The following SRGAP3 variants were observed in gnomAD, a reference collection of about 807,000 sequenced individuals.
The protein encoded by SRGAP3 is SLIT-ROBO Rho GTPase-activating protein 3.
SRGAP3 carries 39 observed loss-of-function variants against 121.1 expected under a neutral mutation model. The observed-to-expected ratio is 0.32, with a 90% CI of 0.25 to 0.42. The LOEUF is 0.42. Among genes scored for constraint, SRGAP3 ranks in the 10% least tolerant of loss-of-function variants. The probability of loss-of-function intolerance (pLI) is 1.00; values close to 1 mark genes in which losing one functional copy is unlikely to be tolerated. For synonymous variants in SRGAP3, 601 were observed against 570.0 expected, an observed-to-expected ratio of 1.05 and a Z score of -0.77; for missense variants, 1,213 against 1,470.6, an observed-to-expected ratio of 0.82 and a Z score of 2.86.
chr3:9,064,585 G>A lies in SRGAP3; in HGVS notation c.487-4C>T. ...ACATGTGGTAGGTTTTCATGACCTG[G>A]GGGTGCACAAGTAGGGGAAATCAGC... On this transcript the variant is annotated splice_region_variant and splice_polypyrimidine_tract_variant and intron_variant, in intron 4 of 21. Coordinates refer to ENST00000383836, the MANE Select transcript of SRGAP3 (RefSeq NM_014850.4). 6.2e-7 allele frequency: 1 copy of A among 1,613,880 alleles called. No homozygotes were observed. The highest frequency in any genetic ancestry group is 1.3e-5 in the African/African-American group (1 of 74,976).
At chr3:9,124,996 GC>G (rs1949168351) in intron 1 of SRGAP3, 79 bp from the exon 2 acceptor site, 5 of 1,554,962 alleles carry the variant, frequency 3.2e-6, no homozygotes, top group Non-Finnish European at 4.4e-6. Context: ...GCTGGCCTGG[GC>G]CCTGCAATTC....
In SRGAP3 at chr3:9,160,194, G is replaced by A. The variant is rs1950559905; in HGVS notation, c.68-35277C>T. Among the ~76,000 whole-genome samples, 3 of 152,100 alleles carry A rather than the reference G, an allele frequency of 2.0e-5. No individual in the cohort carries two copies. In the South Asian group the frequency reaches 6.2e-4, roughly 32 times the overall value. On this transcript the variant is annotated intron_variant, in intron 1 of 21. Coordinates refer to ENST00000383836, the MANE Select transcript of SRGAP3 (RefSeq NM_014850.4). ...AATAAGAGTTAATATATGTTGTGGT[G>A]GTTTTATAATACTACCATAAATTCT...
At chr3:9,089,214 C>A (rs1355329439) in intron 3 of SRGAP3, among the ~76,000 whole-genome samples, 1 of 146,508 alleles carries the variant, frequency 6.8e-6, no homozygotes, top group Non-Finnish European at 1.5e-5. Flanking sequence ...TATCCAAAGT[C>A]ACTCCCATGT....
intron 13 of SRGAP3, 50 bp downstream of exon 13, chr3:9,026,885 A>G: frequency 6.4e-7 from 1 of 1,567,878 alleles, no homozygotes; most frequent in Non-Finnish European, 8.8e-7. Context: ...AGAACAGCCT[A>G]GCACCTGTTC....
chr3:9,053,389 T>G (rs561372407), intron 8 of SRGAP3, among the ~76,000 whole-genome samples, 165 bp from the exon 9 acceptor site: 1 of 152,336 alleles, frequency 6.6e-6, no homozygotes, highest in Admixed American at 6.5e-5. Context: ...AAACACAAAT[T>G]AGTCACCAAC....
intron 1 of SRGAP3, among the ~76,000 whole-genome samples, chr3:9,212,236 A>G (rs1188827144): frequency 6.6e-6 from 1 of 152,248 alleles, no homozygotes; most frequent in Non-Finnish European, 1.5e-5. Flanking sequence ...TTAACAGTCC[A>G]TAAACCACGC....
At chr3:9,307,783 G>A (rs1223828092) in intron 3 of SRGAP3, among the ~76,000 whole-genome samples, 1 of 152,200 alleles carries the variant, frequency 6.6e-6, no homozygotes, top group African/African-American at 2.4e-5. Flanking sequence ...AATCAGAATT[G>A]CAAAAGTTAG....
intron 6 of SRGAP3, 47 bp from the exon 7 acceptor site, chr3:9,058,519 T>C (rs1945948740): frequency 6.3e-7 from 1 of 1,586,100 alleles, no homozygotes; most frequent in Non-Finnish European, 8.6e-7. Flanking sequence ...AGCCAGGATG[T>C]GGAGGGGCGG....
intron 1 of SRGAP3, among the ~76,000 whole-genome samples, chr3:9,149,631 G>A (rs1575147779): frequency 6.6e-6 from 1 of 152,186 alleles, no homozygotes; most frequent in African/African-American, 2.4e-5. Flanking sequence ...ACATGTCTGG[G>A]CTGGCCTGCA....
chr3:9,185,041 C>T (rs1222000460), intron 1 of SRGAP3, among the ~76,000 whole-genome samples: 2 of 152,182 alleles, frequency 1.3e-5, no homozygotes, highest in Non-Finnish European at 2.9e-5. Context: ...GCCTGGCCAA[C>T]ATGGTGAAAC....
At chr3:9,289,831 G>A (rs559227951) in intron 3 of SRGAP3, among the ~76,000 whole-genome samples, 107 of 152,140 alleles carry the variant, frequency 7.0e-4, no homozygotes, top group Non-Finnish European at 1.4e-3. Context: ...GTTCAGGCTG[G>A]GAATGGTGGC....
intron 18 of SRGAP3, among the ~76,000 whole-genome samples, chr3:8,999,641 T>A (rs2124974391): frequency 6.6e-6 from 1 of 152,316 alleles, no homozygotes; most frequent in Non-Finnish European, 1.5e-5. Flanking sequence ...AATGTGGGTG[T>A]ACCTTCTCTT....
intron 1 of SRGAP3, among the ~76,000 whole-genome samples, chr3:9,167,951 T>G (rs560979641): frequency 6.6e-6 from 1 of 152,150 alleles, no homozygotes; most frequent in Non-Finnish European, 1.5e-5. Context: ...CAAATAATGG[T>G]AGCTATAGCA....
At chr3:9,172,284 GT>G (rs1951012276) in intron 1 of SRGAP3, among the ~76,000 whole-genome samples, 1 of 151,508 alleles carries the variant, frequency 6.6e-6, no homozygotes, top group African/African-American at 2.4e-5. Flanking sequence ...TGTATTTTTT[GT>G]AGAGACAGGG....
At chr3:9,234,616 T>A (rs1441511080) in intron 1 of SRGAP3, among the ~76,000 whole-genome samples, 2 of 152,102 alleles carry the variant, frequency 1.3e-5, no homozygotes, top group Non-Finnish European at 2.9e-5. Context: ...CCTACAGAAA[T>A]CCAGGTCTTT....
chr3:9,047,323 CAG>C, intron 10 of SRGAP3, 66 bp downstream of exon 10: 4 of 1,524,504 alleles, frequency 2.6e-6, no homozygotes, highest in Non-Finnish European at 2.7e-6. Flanking sequence ...CTCAACACGT[CAG>C]GGGGCCACAG....
intron 3 of SRGAP3, among the ~76,000 whole-genome samples, chr3:9,318,840 C>G (rs942912510): frequency 6.6e-6 from 1 of 151,548 alleles, no homozygotes; most frequent in African/African-American, 2.4e-5. Context: ...GATCACACAC[C>G]TGCACTCCAG....
chr3:9,081,128 C>T, intron 3 of SRGAP3: 1 of 352,118 alleles, frequency 2.8e-6, no homozygotes, highest in South Asian at 2.2e-5. Flanking sequence ...CAGCTGGCAC[C>T]CACTTGGACA....
chr3:9,196,553 T>C (rs989243591), intron 1 of SRGAP3, among the ~76,000 whole-genome samples: 7 of 152,230 alleles, frequency 4.6e-5, no homozygotes, highest in African/African-American at 1.7e-4. Flanking sequence ...AGACAAAATA[T>C]ACATAACAAA....
Sources: allele counts gnomAD v4.1 joint callset (sites outside exome capture counted in the v4.1 genomes callset), GRCh38; gene constraint gnomAD v4.1.1; transcripts MANE v1.5; gene names NCBI Gene and HGNC (gene_info 2026-07-23, HGNC 2026-07-21).